The following CRY1 variants were observed in gnomAD, a reference collection of about 807,000 sequenced individuals.
CRY1 encodes the protein cryptochrome-1.
Under a neutral mutation model 76.0 loss-of-function variants are expected in CRY1, and 45 were observed. That is an observed-to-expected ratio of 0.59 (90% CI 0.47 to 0.76). CRY1 has a LOEUF of 0.76. Among genes scored for constraint, CRY1 ranks in the 30% least tolerant of loss-of-function variants. The probability of loss-of-function intolerance (pLI) is 0.00; values close to 1 mark genes in which losing one functional copy is unlikely to be tolerated. For missense variants in CRY1, 587 were observed against 716.4 expected (o/e 0.82, Z 2.06); for synonymous variants, 248 against 244.0 (o/e 1.02, Z -0.15).
chr12:106,997,318 T>C lies in CRY1; in HGVS notation c.1561A>G (p.Ile521Val). The change falls in exon 10 of 13, where the codon ATC (isoleucine) becomes GTC (valine). Residue 521 changes from isoleucine (I) to valine (V), a missense_variant. By Grantham distance (29) the Ile-to-Val change is conservative. Coordinates refer to ENST00000008527, the MANE Select transcript of CRY1 (RefSeq NM_004075.5). ...GGFMGYSAEN[I>V]PGCSSSGSCS... is the part of the protein sequence containing the mutation. ...CTTCCACTGCTGCTACAACCTGGGATATTTTCTGCAGAATATCCCATGAAG... is the reference window on the plus strand; with the variant it reads ...CTTCCACTGCTGCTACAACCTGGGACATTTTCTGCAGAATATCCCATGAAG... 1 of 1,614,026 alleles carries C rather than the reference T, an allele frequency of 6.2e-7. No individual in the cohort carries two copies. The highest frequency in any genetic ancestry group is 8.5e-7 in the Non-Finnish European group (1 of 1,179,926).
chr12:107,076,475 G>A (rs2136896689), intron 1 of CRY1, among the ~76,000 whole-genome samples: 1 of 152,060 alleles, frequency 6.6e-6, no homozygotes, highest in East Asian at 1.9e-4. Context: ...GCCAGGCATG[G>A]TGGCACACAC....
rs1268702529 is a variant in CRY1, at chr12:107,092,918, A to T, written c.44T>A (p.Leu15His). 6.2e-7 allele frequency: 1 copy of T among 1,605,280 alleles called. No homozygotes were observed. Among genetic ancestry groups the T allele is most frequent in the Non-Finnish European group, 8.5e-7 (1 of 1,176,882 alleles). ...AVHWFRKGLRLHDNPALKECI... is the reference protein window; with the variant it reads ...AVHWFRKGLRHHDNPALKECI... ...CTCCTTCAGGGCGGGGTTGTCGTGG[A>T]GCCGGAGCCCCTTTCGGAACCAGTG... Residue 15 changes from leucine to histidine, a missense_variant, in exon 1 of 13, where the codon CTC becomes CAC. Coordinates refer to ENST00000008527, the MANE Select transcript of CRY1 (RefSeq NM_004075.5).
chr12:107,006,638 C>CGTTTTTTTTTTTTTTTT (rs71076707), intron 2 of CRY1, among the ~76,000 whole-genome samples: 1 of 137,108 alleles, frequency 7.3e-6, no homozygotes. Flanking sequence ...TATTAGTAAT[C>CGTTTTTTTTTTTTTTTT]TTTTTTTTTT....
intron 1 of CRY1, among the ~76,000 whole-genome samples, chr12:107,030,814 G>T (rs1254831071): frequency 6.6e-6 from 1 of 152,130 alleles, no homozygotes. Flanking sequence ...AGGAAGAAAA[G>T]ATTTGAGTAG....
chr12:107,035,135 C>T (rs947232271), intron 1 of CRY1, among the ~76,000 whole-genome samples: 1 of 152,112 alleles, frequency 6.6e-6, no homozygotes, highest in African/African-American at 2.4e-5. Context: ...GTCTAACAGC[C>T]CTATTTCAAA....
At chr12:107,009,368 G>A (rs920245402) in intron 2 of CRY1, among the ~76,000 whole-genome samples, 2 of 151,306 alleles carry the variant, frequency 1.3e-5, no homozygotes, top group Non-Finnish European at 2.9e-5. Flanking sequence ...GTGAAACCCC[G>A]TCTCCAATAA....
Position 107,064,132 on chromosome 12 carries a change from T to C in CRY1, c.158+28672A>G, listed in dbSNP as rs546081777. On this transcript the variant is annotated intron_variant, in intron 1 of 12. Coordinates refer to ENST00000008527, the MANE Select transcript of CRY1 (RefSeq NM_004075.5). ...TTCTATTACGACCGGGATGGAATAC[T>C]ATTCGACCTTTAAAAAGCAGAAAAT... Among the ~76,000 whole-genome samples the C allele has an allele frequency of 3.9e-5, 6 of 152,318 alleles. No homozygotes were observed. In the East Asian group the frequency reaches 1.2e-3, roughly 29 times the overall value.
chr12:107,031,539 A>G lies in CRY1; in HGVS notation c.159-9347T>C, dbSNP rs557792155. Among the ~76,000 whole-genome samples the G allele has an allele frequency of 1.1e-4, 17 of 152,300 alleles. No individual in the cohort carries two copies. The South Asian group carries it at 1.9e-3, about 17-fold the overall frequency. On this transcript the variant is annotated intron_variant, in intron 1 of 12. Coordinates refer to ENST00000008527, the MANE Select transcript of CRY1 (RefSeq NM_004075.5). ...AAAAAATAGTAACTTTACAGCAGTG[A>G]ATACTGACAAGTACTACCTTAACCA...
intron 3 of CRY1, among the ~76,000 whole-genome samples, chr12:107,002,924 A>G (rs1357930033): frequency 2.0e-5 from 3 of 152,150 alleles, no homozygotes; most frequent in Admixed American, 1.3e-4. Flanking sequence ...GCCTTCCACC[A>G]TGATTGTGAG....
At chr12:107,058,176 CAA>C (rs1953006725) in intron 1 of CRY1, among the ~76,000 whole-genome samples, 1 of 152,110 alleles carries the variant, frequency 6.6e-6, no homozygotes, top group East Asian at 1.9e-4. Flanking sequence ...AGAAAATTAA[CAA>C]AGAGAATACA....
intron 1 of CRY1, among the ~76,000 whole-genome samples, chr12:107,036,988 T>C (rs1952741118): frequency 6.6e-6 from 1 of 152,180 alleles, no homozygotes; most frequent in Non-Finnish European, 1.5e-5. Flanking sequence ...TATGTGTTAA[T>C]GACCTGTATC....
chr12:107,036,995 T>C (rs1285495478), intron 1 of CRY1, among the ~76,000 whole-genome samples: 1 of 152,164 alleles, frequency 6.6e-6, no homozygotes, highest in African/African-American at 2.4e-5. Context: ...TAATGACCTG[T>C]ATCTCACCCC....
intron 2 of CRY1, among the ~76,000 whole-genome samples, chr12:107,015,805 C>T (rs1952492561): frequency 6.6e-6 from 1 of 152,064 alleles, no homozygotes; most frequent in African/African-American, 2.4e-5. Context: ...CTACCTCAGC[C>T]ACTGGAGTAG....
intron 1 of CRY1, among the ~76,000 whole-genome samples, chr12:107,046,766 A>T (rs1952853171): frequency 6.6e-6 from 1 of 152,244 alleles, no homozygotes; most frequent in Non-Finnish European, 1.5e-5. Context: ...GCAGAATTTA[A>T]GTCAAAAACT....
At chr12:107,002,044 T>A in intron 3 of CRY1, 96 bp from the exon 4 acceptor site, 3 of 1,031,698 alleles carry the variant, frequency 2.9e-6, no homozygotes, top group Non-Finnish European at 4.2e-6. Context: ...GAAAATAAAA[T>A]TAATCACTGA....
intron 1 of CRY1, among the ~76,000 whole-genome samples, chr12:107,054,037 G>A (rs189314825): frequency 6.6e-6 from 1 of 152,256 alleles, no homozygotes; most frequent in Admixed American, 6.5e-5. Context: ...AGATACATCT[G>A]AGATAAAAGA....
chr12:107,015,938 A>C (rs1184401982), intron 2 of CRY1, among the ~76,000 whole-genome samples: 1 of 152,218 alleles, frequency 6.6e-6, no homozygotes, highest in African/African-American at 2.4e-5. Flanking sequence ...GGCAATTTTA[A>C]GCAATAAGAT....
At chr12:107,092,036 C>T (rs940442390) in intron 1 of CRY1, among the ~76,000 whole-genome samples, 2 of 152,192 alleles carry the variant, frequency 1.3e-5, no homozygotes, top group Admixed American at 6.5e-5. Flanking sequence ...TTCTGTCTTT[C>T]ACTCACTGCT....
At chr12:106,993,751 C>G (rs1952203469) in intron 10 of CRY1, among the ~76,000 whole-genome samples, 1 of 152,008 alleles carries the variant, frequency 6.6e-6, no homozygotes, top group Non-Finnish European at 1.5e-5. Context: ...GTTGCTCACC[C>G]TAAGTGAGTA....
Sources: allele counts gnomAD v4.1 joint callset (sites outside exome capture counted in the v4.1 genomes callset), GRCh38; gene constraint gnomAD v4.1.1; transcripts MANE v1.5; gene names NCBI Gene and HGNC (gene_info 2026-07-23, HGNC 2026-07-21).